CC2D2B: variants seen among roughly 807,000 people sequenced by gnomAD.
CC2D2B encodes protein CC2D2B.
CC2D2B carries 128 observed loss-of-function variants against 161.2 expected under a neutral mutation model. The ratio of observed to expected loss-of-function variants is 0.79; its 90% CI spans 0.69 to 0.92. The LOEUF (loss-of-function observed/expected upper bound fraction) is 0.92. Ranked by LOEUF, CC2D2B falls within the 40% of genes least tolerant of loss-of-function variation. The pLI is 0.00. For missense variants in CC2D2B, 1,173 were observed against 1,375.1 expected, an observed-to-expected ratio of 0.85 and a Z score of 2.32; for synonymous variants, 391 against 449.8, an observed-to-expected ratio of 0.87 and a Z score of 1.65.
At chr10:95,982,504 T>C (rs962334437) in intron 18 of CC2D2B, among the ~76,000 whole-genome samples, 2 of 152,196 alleles carry the variant, frequency 1.3e-5, no homozygotes, top group South Asian at 2.1e-4. Flanking sequence ...TCTACTCTTC[T>C]TTATAGCCAA....
Position 95,995,330 on chromosome 10 carries a change from A to G in CC2D2B, c.2704A>G (p.Ile902Val). The change falls in exon 23 of 35, where the codon ATC becomes GTC. Residue 902 changes from isoleucine (I) to valine (V), a missense_variant. Ile to Val is a conservative substitution (Grantham distance 29, BLOSUM62 3). Coordinates refer to ENST00000646931, the MANE Select transcript of CC2D2B (RefSeq NM_001349008.3). ...ATCTTGCCTCAGACATAGAGAAACA[A>G]TCAAATCAGTAGCCTCAGATGAGAC... Reference protein sequence around the residue: ...SISCLRHRETIKSVASDETLH... With the variant: ...SISCLRHRETVKSVASDETLH... 6.5e-7 allele frequency: 1 copy of G among 1,531,238 alleles called. No homozygotes were observed. The highest frequency in any genetic ancestry group is 8.7e-7 in the Non-Finnish European group (1 of 1,143,858). 94.9% of individuals were successfully genotyped at this position (1,531,238 alleles called of 1,614,324 possible).
chr10:95,985,108 T>C (rs2077668871), intron 19 of CC2D2B, among the ~76,000 whole-genome samples: 1 of 152,180 alleles, frequency 6.6e-6, no homozygotes, highest in Non-Finnish European at 1.5e-5. Flanking sequence ...ACAGATAACA[T>C]TTTGAAATAT....
At chr10:95,937,752 C>CTT (rs2075877428) in intron 6 of CC2D2B, among the ~76,000 whole-genome samples, 1 of 152,100 alleles carries the variant, frequency 6.6e-6, no homozygotes, top group African/African-American at 2.4e-5. Flanking sequence ...TTTCAGCAGT[C>CTT]TTTCAGTGAA....
intron 17 of CC2D2B, among the ~76,000 whole-genome samples, chr10:95,977,537 G>A (rs932280418): frequency 2.0e-5 from 3 of 152,156 alleles, no homozygotes; most frequent in Non-Finnish European, 4.4e-5. Flanking sequence ...TGACTTTTAT[G>A]TTTACCTTAT....
rs2141455175 is a variant in CC2D2B at position 95,966,283 on chromosome 10, A to G, written c.1447A>G (p.Ser483Gly). The change falls in exon 14 of 35, where the codon AGC becomes GGC. Residue 483 changes from serine to glycine, a missense_variant. By Grantham distance (56) the Ser-to-Gly change is moderately conservative. Coordinates refer to ENST00000646931, the MANE Select transcript of CC2D2B (RefSeq NM_001349008.3). Reference protein sequence around the residue: ...PQLSFTAELTSLSKCSLHEQK... With the variant: ...PQLSFTAELTGLSKCSLHEQK... ...ACTTTCTTTCACTGCAGAATTAACA[A>G]GCTTATCCAAGTGTTCCTTGTAAGC... 1 of 1,180,040 alleles carries G rather than the reference A, an allele frequency of 8.5e-7. No individual in the cohort carries two copies. The allele number at this position is 1,180,040 out of a possible 1,614,324, so 73.1% of individuals were successfully genotyped here. A position where few individuals can be genotyped will look rare whatever the true frequency, so the allele number is the denominator to read the frequency against.
At chr10:95,996,397 A>T (rs1037436831) in intron 24 of CC2D2B, 145 bp downstream of exon 24, 14 of 532,704 alleles carry the variant, frequency 2.6e-5, no homozygotes, top group Non-Finnish European at 4.0e-5. Flanking sequence ...ATAAACTAAT[A>T]CATAATGTAT....
At position 95,940,641 on chromosome 10, in the gene CC2D2B, GA is replaced by G. The variant is rs1200165099; in HGVS notation, c.801+1723del. ...TCCAGTTGACTTAGTACCATTTATT[GA>G]AAAAAATCAATAAACCTTTTCTCAT... is the stretch of plus-strand genomic sequence containing the variant. On this transcript the variant is annotated intron_variant, in intron 9 of 34. Coordinates refer to ENST00000646931, the MANE Select transcript of CC2D2B (RefSeq NM_001349008.3). Among the ~76,000 whole-genome samples, 6 of 151,968 alleles carry G rather than the reference GA, an allele frequency of 3.9e-5. No homozygotes were observed. In the East Asian group the frequency reaches 1.2e-3, roughly 29 times the overall value.
At chr10:96,012,871 C>T (rs2079049809) in intron 28 of CC2D2B, 142 bp downstream of exon 28, 1 of 619,124 alleles carries the variant, frequency 1.6e-6, no homozygotes, top group Non-Finnish European at 2.8e-6. Flanking sequence ...TCATAAAGCT[C>T]CCTTAGCTGG....
At chr10:96,003,021 A>ATATATATATATATATATATATAT (rs2078571748) in intron 24 of CC2D2B, among the ~76,000 whole-genome samples, 1 of 140,706 alleles carries the variant, frequency 7.1e-6, no homozygotes, top group African/African-American at 2.6e-5. Context: ...AAAATAAATA[A>ATATATATATATATATATATATAT]ATATATATAT....
rs1427212152 is a variant in CC2D2B, at chr10:95,938,201, T to C, written c.535+12T>C. The C allele has an allele frequency of 1.3e-6, 2 of 1,515,364 alleles. No homozygotes were observed. The highest frequency in any genetic ancestry group is 1.4e-5 in the African/African-American group (1 of 72,196). The allele number at this position is 1,515,364 out of a possible 1,614,324, so 93.9% of individuals were successfully genotyped here. On this transcript the variant is annotated intron_variant, in intron 7 of 34. Transcript: ENST00000646931. ...AAGTAGTTCTCCAGGTAACATTCTT[T>C]CCCAGTAAAATATTCAAGTCATTAA... is the stretch of plus-strand genomic sequence containing the variant.
At chr10:96,024,805 G>A (rs2079622355) in intron 32 of CC2D2B, 48 bp from the exon 33 acceptor site, 3 of 1,138,232 alleles carry the variant, frequency 2.6e-6, no homozygotes, top group Admixed American at 2.1e-5. Flanking sequence ...TGACTGTGAT[G>A]TAAACATGGT....
intron 34 of CC2D2B, among the ~76,000 whole-genome samples, chr10:96,030,586 TTTGCTTTATTTTAAAGC>T (rs1332853452): frequency 6.6e-6 from 1 of 152,186 alleles, no homozygotes; most frequent in Non-Finnish European, 1.5e-5. Context: ...TTTGCTTTGC[TTTGCTTTATTTTAAAGC>T]TTATAAACAA....
intron 9 of CC2D2B, among the ~76,000 whole-genome samples, chr10:95,943,203 G>T (rs1175333940): frequency 6.6e-6 from 1 of 152,142 alleles, no homozygotes; most frequent in African/African-American, 2.4e-5. Context: ...TTTAGCTGCT[G>T]TTTTTAAGTT....
intron 5 of CC2D2B, among the ~76,000 whole-genome samples, chr10:95,925,832 A>G (rs1178561716): frequency 1.3e-5 from 2 of 152,188 alleles, no homozygotes; most frequent in African/African-American, 2.4e-5. Context: ...AAAGGATTTT[A>G]GGTTGATCTT....
At chr10:95,945,573 CAT>C (rs1438846817) in intron 9 of CC2D2B, among the ~76,000 whole-genome samples, 1 of 152,062 alleles carries the variant, frequency 6.6e-6, no homozygotes, top group Non-Finnish European at 1.5e-5. Flanking sequence ...TATATATTTA[CAT>C]AGATTTTTAT....
At chr10:95,977,429 T>C (rs1279099128) in intron 17 of CC2D2B, among the ~76,000 whole-genome samples, 1 of 152,058 alleles carries the variant, frequency 6.6e-6, no homozygotes, top group Non-Finnish European at 1.5e-5. Context: ...ACACCACACC[T>C]CTCTAACCTA....
At chr10:95,926,553 TTA>T (rs1409263732) in intron 5 of CC2D2B, among the ~76,000 whole-genome samples, 1 of 151,610 alleles carries the variant, frequency 6.6e-6, no homozygotes, top group East Asian at 1.9e-4. Flanking sequence ...TCTTATAATT[TTA>T]TATTTTACAT....
chr10:95,913,382 G>A (rs996423701), intron 2 of CC2D2B: 2 of 390,108 alleles, frequency 5.1e-6, no homozygotes, highest in African/African-American at 4.2e-5. Context: ...GGACACTTAG[G>A]TTGCTTCCAA....
chr10:95,990,736 G>T (rs2077919508), intron 20 of CC2D2B, among the ~76,000 whole-genome samples: 1 of 152,124 alleles, frequency 6.6e-6, no homozygotes, highest in South Asian at 2.1e-4. Context: ...ACATGCTTCT[G>T]CCTGGTTTCA....
Sources: gnomAD v4.1 joint callset for allele counts (sites outside exome capture counted in the v4.1 genomes callset) on GRCh38, gnomAD v4.1.1 for gene constraint, MANE v1.5 for transcripts, NCBI Gene and HGNC (gene_info 2026-07-23, HGNC 2026-07-21) for gene names.